Variants in AKT3 observed in about 807,000 individuals in gnomAD.
AKT3 encodes AKT serine/threonine kinase 3, also known as RAC-gamma serine/threonine-protein kinase.
In AKT3, 15 loss-of-function variants were observed where a neutral mutation model predicts 65.3. That is an observed-to-expected ratio of 0.23 (90% CI 0.15 to 0.35). AKT3 has a LOEUF of 0.35. Ranked by LOEUF, AKT3 falls within the 10% of genes least tolerant of loss-of-function variation. The probability of loss-of-function intolerance (pLI) is 1.00; values close to 1 mark genes in which losing one functional copy is unlikely to be tolerated. For synonymous variants in AKT3, 206 were observed against 183.8 expected, an observed-to-expected ratio of 1.12 and a Z score of -0.98; for missense variants, 243 against 576.5, an observed-to-expected ratio of 0.42 and a Z score of 5.92.
At chr1:243,838,635 G>A (rs1473703205) in intron 2 of AKT3, among the ~76,000 whole-genome samples, 1 of 152,122 alleles carries the variant, frequency 6.6e-6, no homozygotes, top group African/African-American at 2.4e-5. Context: ...GCATAACCAA[G>A]TTCACAATCT....
chr1:243,668,505 T>C (rs552838086), intron 3 of AKT3, among the ~76,000 whole-genome samples: 1 of 152,002 alleles, frequency 6.6e-6, no homozygotes, highest in African/African-American at 2.4e-5. Flanking sequence ...CCATCAGGCT[T>C]TGAAGAAAAA....
chr1:243,696,618 T>C (rs1275087834), intron 2 of AKT3, among the ~76,000 whole-genome samples: 1 of 151,906 alleles, frequency 6.6e-6, no homozygotes, highest in South Asian at 2.1e-4. Flanking sequence ...TACAAAAAAA[T>C]TGCAAACAGT....
At chr1:243,656,602 G>C (rs1228181076) in intron 4 of AKT3, among the ~76,000 whole-genome samples, 1 of 152,230 alleles carries the variant, frequency 6.6e-6, no homozygotes, top group Non-Finnish European at 1.5e-5. Flanking sequence ...ACAAGCAAAG[G>C]ATACGAGGTG....
chr1:243,746,359 C>CTAAA (rs1241940503), intron 2 of AKT3, among the ~76,000 whole-genome samples: 4 of 152,122 alleles, frequency 2.6e-5, no homozygotes, highest in Non-Finnish European at 1.5e-5. Flanking sequence ...TTTCAATGAG[C>CTAAA]TAAACATGCT....
At chr1:243,489,113 G>C in intron 13 of AKT3, 1 of 1,612,912 alleles carries the variant, frequency 6.2e-7, no homozygotes, top group Non-Finnish European at 8.5e-7. Context: ...AGAGCCTGTC[G>C]GAAGAGGTGG....
chr1:243,499,499 A>C (rs1668967253), downstream of AKT3, among the ~76,000 whole-genome samples: 1 of 152,252 alleles, frequency 6.6e-6, no homozygotes, highest in South Asian at 2.1e-4. Context: ...TCCTTATTTA[A>C]GAGGCAGGCG....
chr1:243,561,220 A>G (rs1214646489), intron 10 of AKT3, among the ~76,000 whole-genome samples: 1 of 152,150 alleles, frequency 6.6e-6, no homozygotes, highest in East Asian at 1.9e-4. Context: ...GAAAAGAAGT[A>G]TTAGAATAAT....
chr1:243,849,389 C>A (rs1166120595), intron 1 of AKT3, among the ~76,000 whole-genome samples: 32 of 38,614 alleles, frequency 8.3e-4, no homozygotes, highest in Non-Finnish European at 2.8e-3. Context: ...CACACACACC[C>A]CCCCCCCCAC....
chr1:243,699,512 T>TATATATATATATAA lies in AKT3; in HGVS notation c.47-3797_47-3796insTTATATATATATAT, dbSNP rs1253293936. ...ATATATATATATATATATATATATATAATCTTCATGGGTGCTTCCACTTCT... is the reference window on the plus strand; with the variant it reads ...ATATATATATATATATATATATATATATATATATATATAAAATCTTCATGGGTGCTTCCACTTCT... On this transcript the variant is annotated intron_variant, in intron 2 of 13. Transcript: ENST00000673466. Among the ~76,000 whole-genome samples the TATATATATATATAA allele has an allele frequency of 3.9e-5, 5 of 126,626 alleles. 1 individual carries two copies. The highest frequency in any genetic ancestry group is 1.7e-4 in the African/African-American group (5 of 30,046). 83.1% of individuals were successfully genotyped at this position (126,626 alleles called of 152,430 possible).
At position 243,555,016 on chromosome 1, in the gene AKT3, GATAAA is replaced by G. The variant is rs571513062; in HGVS notation, c.949-2078_949-2074del. ...AACTGCATTGTAAAAAAATCTGTTT[GATAAA>G]ATAAAATACATTTTATTTAGCTTTG... On this transcript the variant is annotated intron_variant, in intron 10 of 13. Transcript: ENST00000673466. 1.5e-4 allele frequency among the ~76,000 whole-genome samples: 23 copies of G among 152,058 alleles called. 1 individual carries two copies. In the South Asian group the frequency reaches 2.5e-3, roughly 16 times the overall value.
chr1:243,592,828 C>T (rs560552526), intron 8 of AKT3, among the ~76,000 whole-genome samples: 7 of 152,162 alleles, frequency 4.6e-5, no homozygotes, highest in Non-Finnish European at 1.0e-4. Context: ...TTTTAAATTT[C>T]CTTAAAAGAT....
At chr1:243,514,822 C>T (rs576386890) in intron 12 of AKT3, among the ~76,000 whole-genome samples, 3 of 152,150 alleles carry the variant, frequency 2.0e-5, no homozygotes, top group Non-Finnish European at 2.9e-5. Flanking sequence ...ACGAGTAAAA[C>T]CCTCTCAAAA....
At chr1:243,638,835 A>G (rs754951148) in intron 5 of AKT3, among the ~76,000 whole-genome samples, 5 of 152,164 alleles carry the variant, frequency 3.3e-5, no homozygotes, top group Admixed American at 1.3e-4. Context: ...ACTTAAAAAA[A>G]AAGCAAGTTA....
At chr1:243,728,383 GA>G (rs1687346309) in intron 2 of AKT3, among the ~76,000 whole-genome samples, 1 of 152,148 alleles carries the variant, frequency 6.6e-6, no homozygotes, top group Non-Finnish European at 1.5e-5. Context: ...CCCTTTCTGT[GA>G]CAGGCAATAA....
intron 3 of AKT3, among the ~76,000 whole-genome samples, chr1:243,666,956 T>C (rs1427574679): frequency 6.6e-6 from 1 of 152,202 alleles, no homozygotes; most frequent in Non-Finnish European, 1.5e-5. Flanking sequence ...GTAGAGTATC[T>C]ACTGTGCATG....
intron 2 of AKT3, among the ~76,000 whole-genome samples, chr1:243,781,407 T>G (rs1690908787): frequency 6.6e-6 from 1 of 152,172 alleles, no homozygotes; most frequent in Non-Finnish European, 1.5e-5. Flanking sequence ...CCTCCTCTTT[T>G]TATTTGTTCT....
chr1:243,754,518 GGGCCGC>G (rs1245633285), intron 2 of AKT3, among the ~76,000 whole-genome samples: 1 of 152,132 alleles, frequency 6.6e-6, no homozygotes, highest in Non-Finnish European at 1.5e-5. Context: ...CCCCACCCCT[GGGCCGC>G]GGATGGTGGC....
intron 2 of AKT3, among the ~76,000 whole-genome samples, chr1:243,787,446 T>C (rs1276712971): frequency 6.6e-6 from 1 of 152,184 alleles, no homozygotes; most frequent in Non-Finnish European, 1.5e-5. Flanking sequence ...GATATAGCTG[T>C]TTCCTGGTCC....
chr1:243,726,700 A>G (rs1687232547), intron 2 of AKT3, among the ~76,000 whole-genome samples: 1 of 152,232 alleles, frequency 6.6e-6, no homozygotes, highest in African/African-American at 2.4e-5. Context: ...GACCAAGGAT[A>G]TATAAAGCTG....
Sources: gnomAD v4.1 joint callset for allele counts (sites outside exome capture counted in the v4.1 genomes callset) on GRCh38, gnomAD v4.1.1 for gene constraint, MANE v1.5 for transcripts, NCBI Gene and HGNC (gene_info 2026-07-23, HGNC 2026-07-21) for gene names.